The following ASAP1 variants were observed in gnomAD, a reference collection of about 807,000 sequenced individuals.
ASAP1 encodes the protein ArfGAP with SH3 domain, ankyrin repeat and PH domain 1.
In ASAP1, 43 loss-of-function variants were observed where a neutral mutation model predicts 145.2. The ratio of observed to expected loss-of-function variants is 0.30; its 90% CI spans 0.23 to 0.38. The LOEUF is 0.38. ASAP1 is among the 10% of genes least tolerant of loss of function. The pLI is 1.00. For synonymous variants in ASAP1, 546 were observed against 515.5 expected, an observed-to-expected ratio of 1.06 and a Z score of -0.80; for missense variants, 1,018 against 1,355.3, an observed-to-expected ratio of 0.75 and a Z score of 3.91.
intron 3 of ASAP1, among the ~76,000 whole-genome samples, chr8:130,243,444 A>T (rs1818662445): frequency 6.6e-6 from 1 of 151,644 alleles, no homozygotes; most frequent in South Asian, 2.1e-4. Flanking sequence ...ACACATACAC[A>T]CTCTCTCTCT....
chr8:130,408,930 T>C lies in ASAP1; in HGVS notation c.-27-6960A>G, dbSNP rs565569982. Among the ~76,000 whole-genome samples the C allele has an allele frequency of 2.9e-4, 44 of 152,232 alleles. 1 individual carries two copies. The highest frequency in any genetic ancestry group is 1.9e-3 in the South Asian group (9 of 4,806). On this transcript the variant is annotated intron_variant, in intron 1 of 29. Coordinates refer to ENST00000518721, the MANE Select transcript of ASAP1 (RefSeq NM_018482.4). ...TGGATCATGACCAAACACACCCCAT[T>C]TGGTATCATTTCCTGATTGTTCATA...
Position 130,136,919 on chromosome 8 carries a change from A to G in ASAP1, c.1168+32T>C, listed in dbSNP as rs199926213. ...AAATGTGCAGGTGTCAGAAGCCACAATAACCAACTCAGAGAGAGAAAAAGG... is the reference window on the plus strand; with the variant it reads ...AAATGTGCAGGTGTCAGAAGCCACAGTAACCAACTCAGAGAGAGAAAAAGG... On this transcript the variant is annotated intron_variant, in intron 14 of 29. Coordinates refer to ENST00000518721, the MANE Select transcript of ASAP1 (RefSeq NM_018482.4). The G allele has an allele frequency of 1.5e-3, 2,355 of 1,588,976 alleles. 7 individuals carry two copies. The highest frequency in any genetic ancestry group is 1.8e-3 in the Non-Finnish European group (2,110 of 1,157,004).
At position 130,185,060 on chromosome 8, in the gene ASAP1, G is replaced by C. The variant is rs150771514; in HGVS notation, c.530+2176C>G. On this transcript the variant is annotated intron_variant, in intron 7 of 29. Coordinates refer to ENST00000518721, the MANE Select transcript of ASAP1 (RefSeq NM_018482.4). ...TTCTCCATTATCAAAACTAATAAAT[G>C]AACTTTTTTGTGTGGAGTCATTTTG... 1.0e-3 allele frequency among the ~76,000 whole-genome samples: 154 copies of C among 152,244 alleles called. 1 individual carries two copies. In the Middle Eastern group the frequency reaches 0.01, roughly 10 times the overall value.
chr8:130,330,215 G>A (rs976624591), intron 3 of ASAP1, among the ~76,000 whole-genome samples: 31 of 152,372 alleles, frequency 2.0e-4, no homozygotes, highest in Admixed American at 1.4e-3. Flanking sequence ...GAGTAAGCAT[G>A]AAACCGTACT....
intron 3 of ASAP1, among the ~76,000 whole-genome samples, chr8:130,302,894 C>T (rs1038424473): frequency 3.3e-5 from 5 of 152,128 alleles, no homozygotes; most frequent in Admixed American, 6.5e-5. Flanking sequence ...GTGGAAAGAT[C>T]GTGTCTTCTC....
intron 9 of ASAP1, among the ~76,000 whole-genome samples, chr8:130,174,757 T>C (rs1352208615): frequency 5.3e-5 from 8 of 152,258 alleles, no homozygotes; most frequent in Admixed American, 5.2e-4. Context: ...TGCCATCTTT[T>C]GTGTCTGGCT....
At chr8:130,096,273 T>C (rs1311081155) in intron 24 of ASAP1, among the ~76,000 whole-genome samples, 1 of 152,240 alleles carries the variant, frequency 6.6e-6, no homozygotes, top group Admixed American at 6.5e-5. Flanking sequence ...AGGGATCTTT[T>C]ATGCAAAATA....
chr8:130,380,913 C>A lies in ASAP1; in HGVS notation c.59+20972G>T, dbSNP rs191745687. On this transcript the variant is annotated intron_variant, in intron 2 of 29. Transcript: ENST00000518721. ...ATTTATTTATTTATTGAGACAGGGT[C>A]TCTCTCTCTTGTCCAGGCTGGAGTG... 1.6e-3 allele frequency among the ~76,000 whole-genome samples: 242 copies of A among 152,138 alleles called. 1 individual carries two copies. The highest frequency in any genetic ancestry group is 8.9e-3 in the East Asian group (46 of 5,170).
In ASAP1 at chr8:130,428,736, A is replaced by G. The variant is rs371367579; in HGVS notation, c.-28+14724T>C. 2.6e-3 allele frequency among the ~76,000 whole-genome samples: 388 copies of G among 148,550 alleles called. 2 individuals carry two copies. Among genetic ancestry groups the G allele is most frequent in the African/African-American group, 9.1e-3 (366 of 40,144 alleles). ...CACCATCATCATCATCACTACCAAC[A>G]TCACCACCATCAGCAGCACCATTAT... is the stretch of plus-strand genomic sequence containing the variant. On this transcript the variant is annotated intron_variant, in intron 1 of 29. Transcript: ENST00000518721.
chr8:130,418,999 A>G (rs1000800797), intron 1 of ASAP1, among the ~76,000 whole-genome samples: 1 of 152,166 alleles, frequency 6.6e-6, no homozygotes, highest in Non-Finnish European at 1.5e-5. Context: ...AAAAGGCAGA[A>G]GCTGGAAATG....
At chr8:130,252,196 G>A (rs1565137437) in intron 3 of ASAP1, among the ~76,000 whole-genome samples, 1 of 152,048 alleles carries the variant, frequency 6.6e-6, no homozygotes, top group Admixed American at 6.6e-5. Flanking sequence ...ATGGACAAAG[G>A]TCTATCATTT....
At chr8:130,091,498 G>A (rs897742298) in intron 25 of ASAP1, among the ~76,000 whole-genome samples, 4 of 152,220 alleles carry the variant, frequency 2.6e-5, no homozygotes, top group African/African-American at 4.8e-5. Flanking sequence ...TAGGAGATAA[G>A]AGCCCGATCA....
intron 1 of ASAP1, among the ~76,000 whole-genome samples, chr8:130,430,451 C>T (rs893600663): frequency 6.6e-6 from 1 of 152,158 alleles, no homozygotes; most frequent in African/African-American, 2.4e-5. Flanking sequence ...TGTCTAAAGG[C>T]GTTCAGTGGG....
chr8:130,366,460 C>T (rs1486532227), intron 2 of ASAP1, among the ~76,000 whole-genome samples: 1 of 152,130 alleles, frequency 6.6e-6, no homozygotes, highest in African/African-American at 2.4e-5. Context: ...TGACACAGTT[C>T]CTCCTCCCTT....
At chr8:130,324,660 A>G (rs553651581) in intron 3 of ASAP1, among the ~76,000 whole-genome samples, 57 of 152,350 alleles carry the variant, frequency 3.7e-4, no homozygotes, top group African/African-American at 1.3e-3. Flanking sequence ...TAATTCGTAA[A>G]ATCCATTAAA....
chr8:130,263,164 TTCAGAGA>T (rs1188041883), intron 3 of ASAP1, among the ~76,000 whole-genome samples: 1 of 152,180 alleles, frequency 6.6e-6, no homozygotes, highest in East Asian at 1.9e-4. Flanking sequence ...AATGCCCAAA[TTCAGAGA>T]TCAGGTGGCC....
At chr8:130,125,462 C>T (rs529740646) in intron 17 of ASAP1, among the ~76,000 whole-genome samples, 4 of 152,078 alleles carry the variant, frequency 2.6e-5, no homozygotes, top group Non-Finnish European at 5.9e-5. Flanking sequence ...AATTTCTTCC[C>T]TTACTACCTA....
At chr8:130,198,324 CAT>C (rs1294535219) in intron 5 of ASAP1, among the ~76,000 whole-genome samples, 1 of 151,922 alleles carries the variant, frequency 6.6e-6, no homozygotes, top group Non-Finnish European at 1.5e-5. Flanking sequence ...AGGGTTTCGT[CAT>C]GTTGAATCAT....
chr8:130,383,680 A>G (rs948585545), intron 2 of ASAP1, among the ~76,000 whole-genome samples: 3 of 152,122 alleles, frequency 2.0e-5, no homozygotes, highest in African/African-American at 7.2e-5. Context: ...AATAATGTTT[A>G]TTATGTTTAT....
Sources: gnomAD v4.1 joint callset for allele counts (sites outside exome capture counted in the v4.1 genomes callset) on GRCh38, gnomAD v4.1.1 for gene constraint, MANE v1.5 for transcripts, NCBI Gene and HGNC (gene_info 2026-07-23, HGNC 2026-07-21) for gene names.